Variants in FILIP1L observed in about 807,000 individuals in gnomAD.
FILIP1L encodes the protein filamin A interacting protein 1 like.
FILIP1L carries 55 observed loss-of-function variants against 96.6 expected under a neutral mutation model. The observed-to-expected ratio is 0.57, with a 90% CI of 0.46 to 0.71. FILIP1L has a LOEUF of 0.71. FILIP1L is among the 30% of genes least tolerant of loss of function. The probability of loss-of-function intolerance (pLI) is 0.00; values close to 1 mark genes in which losing one functional copy is unlikely to be tolerated. For missense variants in FILIP1L, 1,304 were observed against 1,321.2 expected (o/e 0.99, Z 0.20); for synonymous variants, 467 against 473.9 (o/e 0.99, Z 0.19).
chr3:99,877,009 A>G (rs1296195191), intron 4 of FILIP1L, among the ~76,000 whole-genome samples: 3 of 152,232 alleles, frequency 2.0e-5, no homozygotes, highest in Admixed American at 2.0e-4. Flanking sequence ...TGAAGAAAAA[A>G]GAAATTAGCC....
At chr3:99,930,068 C>T (rs1435237906) in intron 2 of FILIP1L, 39 bp from the exon 3 acceptor site, 1 of 1,524,842 alleles carries the variant, frequency 6.6e-7, no homozygotes, top group African/African-American at 1.4e-5. Context: ...CCTGCTGTCT[C>T]TACCAGCAGT....
At chr3:100,000,700 G>A (rs566122592) in intron 1 of FILIP1L, among the ~76,000 whole-genome samples, 3 of 152,274 alleles carry the variant, frequency 2.0e-5, no homozygotes, top group Non-Finnish European at 2.9e-5. Context: ...GGGCGATAGC[G>A]CAAGACTCTG....
intron 1 of FILIP1L, among the ~76,000 whole-genome samples, chr3:100,057,700 C>T (rs1231701160): frequency 6.6e-6 from 1 of 152,122 alleles, no homozygotes; most frequent in South Asian, 2.1e-4. Flanking sequence ...CCCCTGCTTG[C>T]CCGGGTGTTT....
chr3:99,839,106 C>T (rs990501610), intron 5 of FILIP1L, among the ~76,000 whole-genome samples: 5 of 152,126 alleles, frequency 3.3e-5, no homozygotes, highest in Admixed American at 2.0e-4. Flanking sequence ...ATATCCTAGT[C>T]TTCCCCATCC....
chr3:99,937,954 A>G (rs181564847), intron 1 of FILIP1L, among the ~76,000 whole-genome samples: 5 of 152,338 alleles, frequency 3.3e-5, no homozygotes, highest in Non-Finnish European at 7.4e-5. Context: ...GAGTTGGTAA[A>G]GGTGAATTAA....
intron 1 of FILIP1L, among the ~76,000 whole-genome samples, chr3:99,952,441 A>C (rs981605469): frequency 1.3e-5 from 2 of 152,176 alleles, no homozygotes; most frequent in Non-Finnish European, 2.9e-5. Context: ...CCCCAGCCCC[A>C]AAAATTCCAA....
intron 4 of FILIP1L, among the ~76,000 whole-genome samples, chr3:99,887,709 C>A (rs1705953168): frequency 6.6e-6 from 1 of 152,040 alleles, no homozygotes. Flanking sequence ...ACTGGGAATA[C>A]CCAGATATAC....
chr3:99,848,275 C>T lies in FILIP1L; in HGVS notation c.3381+20G>A, dbSNP rs1943461634. ...TGGACTGGATGAGGGTGAGCGTGGT[C>T]AGTTATATATATTACTTACTGTAAT... On this transcript the variant is annotated intron_variant, in intron 5 of 5. Transcript: ENST00000477258. The T allele has an allele frequency of 1.9e-6, 3 of 1,611,474 alleles. No homozygotes were observed. In the African/African-American group the frequency reaches 4.0e-5, roughly 22 times the overall value.
rs61704772 is a variant in FILIP1L at position 100,021,915 on chromosome 3, T to TTGTGTGTG, written c.-10-90893_-10-90886dup. ...AGAATAGCTTGGATGCTAGATCCCA[T>TTGTGTGTG]TGTGTGTGTGTGTGTGTGTGTGTGT... On this transcript the variant is annotated intron_variant, in intron 1 of 5. Coordinates refer to ENST00000477258, the MANE Select transcript of FILIP1L (RefSeq NM_001387850.1). Among the ~76,000 whole-genome samples the TTGTGTGTG allele has an allele frequency of 1.6e-3, 172 of 106,010 alleles. 1 individual carries two copies. The highest frequency in any genetic ancestry group is 4.1e-3 in the African/African-American group (103 of 24,968). 69.5% of individuals were successfully genotyped at this position (106,010 alleles called of 152,430 possible).
intron 4 of FILIP1L, among the ~76,000 whole-genome samples, chr3:99,918,227 T>TG (rs1440176965): frequency 1.3e-5 from 2 of 152,062 alleles, no homozygotes; most frequent in African/African-American, 4.8e-5. Context: ...CTCCCTGCCT[T>TG]GGCTTCCCAA....
chr3:99,831,184 G>A lies in FILIP1L; in HGVS notation c.3382-579C>T, dbSNP rs150335230. 3.1e-3 allele frequency among the ~76,000 whole-genome samples: 465 copies of A among 152,286 alleles called. 4 individuals are homozygous for A. The highest frequency in any genetic ancestry group is 0.011 in the African/African-American group (439 of 41,546). On this transcript the variant is annotated intron_variant, in intron 5 of 5. Transcript: ENST00000477258. Reference sequence around the variant, plus strand: ...AAATGGACAGTTAAATGAATAGGATGTGTTAAATGAATTATAGTATAATTA... The same window carrying A: ...AAATGGACAGTTAAATGAATAGGATATGTTAAATGAATTATAGTATAATTA...
Position 99,850,835 on chromosome 3 carries a change from C to G in FILIP1L, c.841G>C (p.Val281Leu), listed in dbSNP as rs1943654086. 1.2e-6 allele frequency: 2 copies of G among 1,614,182 alleles called. No individual in the cohort carries two copies. Among genetic ancestry groups the G allele is most frequent in the African/African-American group, 1.3e-5 (1 of 75,040 alleles). Reference protein sequence around the residue: ...HTKLALAEARVQEEEQKATRL... With the variant: ...HTKLALAEARLQEEEQKATRL... The stretch of plus-strand genomic sequence containing the variant: ...GTTGCCTTCTGCTCTTCCTCCTGAA[C>G]TCTGGCTTCAGCAAGGGCTAGTTTG... The change falls in exon 5 of 6, where the codon GTT becomes CTT. Residue 281 changes from valine (V) to leucine (L), a missense_variant. Coordinates refer to ENST00000477258, the MANE Select transcript of FILIP1L (RefSeq NM_001387850.1).
intron 1 of FILIP1L, among the ~76,000 whole-genome samples, chr3:99,986,141 T>C (rs981449489): frequency 1.3e-5 from 2 of 152,198 alleles, no homozygotes; most frequent in African/African-American, 4.8e-5. Context: ...AAAATCTAAA[T>C]TGTTTTTATT....
rs1575975235 is a variant in FILIP1L, at chr3:100,039,418, G to A, written c.-11+74635C>T. ...CAGTATGTAGTATAAAGATTTCACAGTATAAAGATTTCAGTGGAGTTCTAC... is the reference window on the plus strand; with the variant it reads ...CAGTATGTAGTATAAAGATTTCACAATATAAAGATTTCAGTGGAGTTCTAC... On this transcript the variant is annotated intron_variant, in intron 1 of 5. Transcript: ENST00000477258. 2.6e-5 allele frequency among the ~76,000 whole-genome samples: 4 copies of A among 152,234 alleles called. 1 individual carries two copies. The South Asian group carries it at 8.3e-4, about 32-fold the overall frequency.
intron 1 of FILIP1L, among the ~76,000 whole-genome samples, chr3:99,959,848 T>C (rs1559704199): frequency 6.6e-6 from 1 of 152,210 alleles, no homozygotes; most frequent in African/African-American, 2.4e-5. Context: ...ATTATGAGCA[T>C]GGTTCTTGAC....
chr3:99,842,967 A>C (rs149357904), intron 5 of FILIP1L, among the ~76,000 whole-genome samples: 301 of 152,326 alleles, frequency 2.0e-3, no homozygotes, highest in African/African-American at 6.8e-3. Context: ...TTGACTGCCC[A>C]AAAGCCTTAC....
chr3:99,913,931 C>A (rs914440844), intron 4 of FILIP1L, among the ~76,000 whole-genome samples: 1 of 152,040 alleles, frequency 6.6e-6, no homozygotes. Flanking sequence ...CTGAGAAATT[C>A]ATGGAAATAA....
At chr3:99,922,365 G>A (rs1405503514) in intron 4 of FILIP1L, among the ~76,000 whole-genome samples, 1 of 152,154 alleles carries the variant, frequency 6.6e-6, no homozygotes, top group Non-Finnish European at 1.5e-5. Context: ...CAGATTTCTT[G>A]TGCTCCTTTA....
At chr3:99,924,825 A>C (rs1229233908) in intron 3 of FILIP1L, among the ~76,000 whole-genome samples, 1 of 152,158 alleles carries the variant, frequency 6.6e-6, no homozygotes, top group African/African-American at 2.4e-5. Context: ...CCCGGCCAGC[A>C]GTGGGTTTTT....
Sources: allele counts gnomAD v4.1 joint callset (sites outside exome capture counted in the v4.1 genomes callset), GRCh38; gene constraint gnomAD v4.1.1; transcripts MANE v1.5; gene names NCBI Gene and HGNC (gene_info 2026-07-23, HGNC 2026-07-21).